Variants in ERP27 observed in about 807,000 individuals in gnomAD.
The protein encoded by ERP27 is endoplasmic reticulum protein 27, also known as endoplasmic reticulum resident protein 27.
Under a neutral mutation model 27.7 loss-of-function variants are expected in ERP27, and 23 were observed. The observed-to-expected ratio is 0.83, with a 90% CI of 0.60 to 1.18. The LOEUF (loss-of-function observed/expected upper bound fraction) is 1.18. Ranked by LOEUF, ERP27 falls within the 50% of genes most tolerant of loss-of-function variation. The pLI is 0.00. For missense variants in ERP27, 363 were observed against 327.9 expected (o/e 1.11, Z -0.83); for synonymous variants, 159 against 118.3 (o/e 1.34, Z -2.23).
intron 5 of ERP27, among the ~76,000 whole-genome samples, chr12:14,916,259 T>C (rs1236783036): frequency 2.0e-5 from 3 of 152,186 alleles, no homozygotes; most frequent in Non-Finnish European, 4.4e-5. Context: ...GAACATAGAA[T>C]TGGAAATTAC....
intron 5 of ERP27, among the ~76,000 whole-genome samples, chr12:14,916,556 T>C (rs1317016481): frequency 6.6e-6 from 1 of 152,236 alleles, no homozygotes; most frequent in Non-Finnish European, 1.5e-5. Flanking sequence ...ATCTTCTTTA[T>C]AATATTCTGA....
intron 4 of ERP27, 50 bp from the exon 5 acceptor site, chr12:14,917,353 T>G: frequency 6.2e-7 from 1 of 1,612,802 alleles, no homozygotes; most frequent in South Asian, 1.1e-5. Flanking sequence ...AAAGAATGCA[T>G]TAGTACCTGG....
At chr12:14,929,507 C>G (rs1863665360) in intron 3 of ERP27, among the ~76,000 whole-genome samples, 1 of 152,018 alleles carries the variant, frequency 6.6e-6, no homozygotes, top group Non-Finnish European at 1.5e-5. Flanking sequence ...ACCCAGGAAC[C>G]AAGAGTTGGA....
intron 6 of ERP27, 121 bp downstream of exon 6, chr12:14,915,368 G>T: frequency 1.1e-6 from 1 of 906,332 alleles, no homozygotes; most frequent in Non-Finnish European, 1.7e-6. Context: ...ATCTGCACTT[G>T]GTATCCATTA....
chr12:14,932,502 C>T (rs1863711765), intron 3 of ERP27, among the ~76,000 whole-genome samples: 2 of 152,066 alleles, frequency 1.3e-5, no homozygotes, highest in African/African-American at 4.8e-5. Flanking sequence ...AGGATAAAGC[C>T]CAGGGTGGAA....
chr12:14,921,237 C>T (rs1863498941), intron 3 of ERP27, among the ~76,000 whole-genome samples, 189 bp from the exon 4 acceptor site: 1 of 152,180 alleles, frequency 6.6e-6, no homozygotes, highest in African/African-American at 2.4e-5. Flanking sequence ...AAATTTCCCA[C>T]ATGATGTGGC....
intron 3 of ERP27, among the ~76,000 whole-genome samples, chr12:14,923,483 TC>T: frequency 7.2e-6 from 1 of 139,066 alleles, no homozygotes; most frequent in African/African-American, 2.7e-5. Flanking sequence ...TATCTATCTA[TC>T]TATAATCAAT....
At chr12:14,936,805 C>G (rs528556611) in intron 2 of ERP27, among the ~76,000 whole-genome samples, 9 of 152,248 alleles carry the variant, frequency 5.9e-5, no homozygotes, top group African/African-American at 1.9e-4. Context: ...TTTCCTCAGG[C>G]CTTCCAAGCT....
intron 3 of ERP27, among the ~76,000 whole-genome samples, chr12:14,921,508 G>T (rs1863503434): frequency 6.6e-6 from 1 of 152,148 alleles, no homozygotes; most frequent in Non-Finnish European, 1.5e-5. Context: ...GGATAAGGAA[G>T]AGCAAATTTG....
chr12:14,923,535 C>CTATT (rs1301072763), intron 3 of ERP27, among the ~76,000 whole-genome samples: 2 of 151,288 alleles, frequency 1.3e-5, no homozygotes, highest in African/African-American at 2.4e-5. Flanking sequence ...ATCTATCTAT[C>CTATT]TATATTACCT....
At position 14,914,772 on chromosome 12, in the gene ERP27, C is replaced by A; in HGVS notation, c.785G>T (p.Arg262Leu). The A allele has an allele frequency of 6.2e-7, 1 of 1,613,558 alleles. No individual in the cohort carries two copies. Among genetic ancestry groups the A allele is most frequent in the Non-Finnish European group, 8.5e-7 (1 of 1,179,652 alleles). ...FLSGKLLKEN[R>L]ESEGKTPKVE... is the part of the protein sequence containing the mutation. ...CTTTGGAGTCTTTCCTTCTGATTCA[C>A]GATTTTCTTTCTGGAAAACATTATA... Residue 262 changes from arginine to leucine, a missense_variant, in exon 7 of 7, where the codon CGT becomes CTT. Arg to Leu is a moderately radical substitution (Grantham distance 102). Coordinates refer to ENST00000266397, the MANE Select transcript of ERP27 (RefSeq NM_152321.4).
chr12:14,922,070 G>T (rs182613178), intron 3 of ERP27, among the ~76,000 whole-genome samples: 32 of 152,196 alleles, frequency 2.1e-4, no homozygotes, highest in Admixed American at 7.9e-4. Flanking sequence ...GATGAACATT[G>T]GTTGTTTCTA....
At chr12:14,936,612 CAT>C (rs1863777456) in intron 2 of ERP27, among the ~76,000 whole-genome samples, 1 of 152,170 alleles carries the variant, frequency 6.6e-6, no homozygotes, top group Admixed American at 6.5e-5. Flanking sequence ...ATAATCCCCA[CAT>C]GTCAAGGGTG....
At chr12:14,936,555 G>C (rs965583833) in intron 2 of ERP27, among the ~76,000 whole-genome samples, 3 of 152,184 alleles carry the variant, frequency 2.0e-5, no homozygotes, top group African/African-American at 7.2e-5. Context: ...AGTTGATATG[G>C]TTTGGCTGTG....
At chr12:14,928,842 C>G in intron 3 of ERP27, 1 of 1,184,366 alleles carries the variant, frequency 8.4e-7, no homozygotes, top group Non-Finnish European at 1.2e-6. Flanking sequence ...CCACCTCCTT[C>G]CCCTTCCCTT....
Position 14,920,934 on chromosome 12 carries a change from C to G in ERP27, c.448G>C (p.Val150Leu), listed in dbSNP as rs1863492448. 1 of 1,613,370 alleles carries G rather than the reference C, an allele frequency of 6.2e-7. No individual in the cohort carries two copies. The highest frequency in any genetic ancestry group is 1.3e-5 in the African/African-American group (1 of 75,014). ...TAAGAACAGGAAGTATTGTTTACCA[C>G]AGGGTTGTACTCTGTCACCATGTGG... Reference protein sequence around the residue: ...SLHMVTEYNPVTVIGLFNSVI... With the variant: ...SLHMVTEYNPLTVIGLFNSVI... The change falls in exon 4 of 7, where the codon GTG becomes CTG. Residue 150 changes from valine to leucine, a missense_variant and splice_region_variant. Coordinates refer to ENST00000266397, the MANE Select transcript of ERP27 (RefSeq NM_152321.4).
At chr12:14,919,338 T>C (rs1863463560) in intron 4 of ERP27, among the ~76,000 whole-genome samples, 1 of 152,140 alleles carries the variant, frequency 6.6e-6, no homozygotes, top group South Asian at 2.1e-4. Flanking sequence ...CTCTGCGAAA[T>C]GAGAGACAGA....
chr12:14,929,064 C>T (rs1863657158), intron 3 of ERP27: 3 of 1,530,916 alleles, frequency 2.0e-6, no homozygotes, highest in East Asian at 2.4e-5. Context: ...CTAAATGCTT[C>T]CTGACTATTT....
intron 3 of ERP27, among the ~76,000 whole-genome samples, chr12:14,927,347 G>GTATATA (rs371031188): frequency 6.7e-6 from 1 of 149,840 alleles, no homozygotes; most frequent in Non-Finnish European, 1.5e-5. Flanking sequence ...GTGTGTGTGT[G>GTATATA]TATATATATA....
Sources: gnomAD v4.1 joint callset for allele counts (sites outside exome capture counted in the v4.1 genomes callset) on GRCh38, gnomAD v4.1.1 for gene constraint, MANE v1.5 for transcripts, NCBI Gene and HGNC (gene_info 2026-07-23, HGNC 2026-07-21) for gene names.